Variants in CNTLN observed in about 807,000 individuals in gnomAD.
The protein encoded by CNTLN is centlein, also known as centlein, centrosomal protein.
In CNTLN, 212 loss-of-function variants were observed where a neutral mutation model predicts 180.0. The observed-to-expected ratio is 1.18, with a 90% CI of 1.05 to 1.32. The LOEUF (loss-of-function observed/expected upper bound fraction) is 1.32. CNTLN is among the 40% of genes most tolerant of loss of function. The pLI, the probability that CNTLN is intolerant of heterozygous loss-of-function variation, is 0.00. For synonymous variants in CNTLN, 722 were observed against 563.1 expected (o/e 1.28, Z -3.99); for missense variants, 2,095 against 1,610.9 (o/e 1.30, Z -5.14).
chr9:17,480,906 A>G (rs978165756), intron 23 of CNTLN, among the ~76,000 whole-genome samples: 1 of 152,220 alleles, frequency 6.6e-6, no homozygotes, highest in Non-Finnish European at 1.5e-5. Context: ...GTAATCAAGG[A>G]GAAGTACATA....
intron 12 of CNTLN, among the ~76,000 whole-genome samples, chr9:17,365,995 A>T (rs1564032964): frequency 2.0e-5 from 3 of 152,212 alleles, no homozygotes; most frequent in Admixed American, 2.0e-4. Context: ...TTTTAAAATT[A>T]TATAGTCTGT....
At chr9:17,482,884 A>G (rs1832720342) in intron 23 of CNTLN, among the ~76,000 whole-genome samples, 2 of 152,152 alleles carry the variant, frequency 1.3e-5, no homozygotes, top group Admixed American at 1.3e-4. Flanking sequence ...AAATGATTAC[A>G]AATGGATAAA....
chr9:17,434,498 T>C (rs546770159), intron 18 of CNTLN, among the ~76,000 whole-genome samples: 60 of 152,204 alleles, frequency 3.9e-4, no homozygotes, highest in African/African-American at 1.4e-3. Flanking sequence ...TTTAAAAATA[T>C]ATTGTTTAAT....
Position 17,170,017 on chromosome 9 carries a change from C to T in CNTLN, c.449+26641C>T, listed in dbSNP as rs140086066. 5.3e-3 allele frequency among the ~76,000 whole-genome samples: 799 copies of T among 152,168 alleles called. 5 individuals are homozygous for T. The highest frequency in any genetic ancestry group is 0.018 in the African/African-American group (768 of 41,532). On this transcript the variant is annotated intron_variant, in intron 2 of 25. Transcript: ENST00000380647. ...GTATATTTTAGCAATAACCATCCTTCGAATCCATGAGCTATTTTTCCAGTT... is the reference window on the plus strand; with the variant it reads ...GTATATTTTAGCAATAACCATCCTTTGAATCCATGAGCTATTTTTCCAGTT...
rs368343325 is a variant in CNTLN at position 17,486,975 on chromosome 9, T to C, written c.4042-14T>C. The C allele has an allele frequency of 9.4e-6, 14 of 1,493,642 alleles. No homozygotes were observed. The highest frequency in any genetic ancestry group is 1.4e-5 in the African/African-American group (1 of 70,186). The allele number at this position is 1,493,642 out of a possible 1,614,324, so 92.5% of individuals were successfully genotyped here. ...AATTTCGTTAACACCAGTGTTTTTA[T>C]TTTTTTTCTTCAGGAAATTGAAAAA... On this transcript the variant is annotated splice_polypyrimidine_tract_variant and intron_variant, in intron 24 of 25. Coordinates refer to ENST00000380647, the MANE Select transcript of CNTLN (RefSeq NM_017738.4).
At chr9:17,228,005 A>G (rs1824580935) in intron 3 of CNTLN, among the ~76,000 whole-genome samples, 1 of 152,056 alleles carries the variant, frequency 6.6e-6, no homozygotes, top group Admixed American at 6.6e-5. Flanking sequence ...TTGTATTTAC[A>G]TTTTACTGGA....
In CNTLN at chr9:17,143,498, G is replaced by A. The variant is rs1818246453; in HGVS notation, c.449+122G>A. On this transcript the variant is annotated intron_variant, in intron 2 of 25. Coordinates refer to ENST00000380647, the MANE Select transcript of CNTLN (RefSeq NM_017738.4). ...ATTCATTTAATTTCTGAATAAATGT[G>A]GAGCTAAAAATTAAATTGTTGGATT... 4 of 725,406 alleles carry A rather than the reference G, an allele frequency of 5.5e-6. No individual in the cohort carries two copies. The East Asian group carries it at 1.1e-4, about 20-fold the overall frequency. 44.9% of individuals were successfully genotyped at this position (725,406 alleles called of 1,614,324 possible).
At chr9:17,356,780 A>C (rs184208577) in intron 12 of CNTLN, among the ~76,000 whole-genome samples, 2 of 152,296 alleles carry the variant, frequency 1.3e-5, no homozygotes, top group Admixed American at 1.3e-4. Context: ...ATCAATAAGC[A>C]TACAGATATG....
At chr9:17,289,996 T>A (rs1829258072) in intron 6 of CNTLN, among the ~76,000 whole-genome samples, 1 of 152,120 alleles carries the variant, frequency 6.6e-6, no homozygotes, top group Non-Finnish European at 1.5e-5. Flanking sequence ...TCTGAAGCCT[T>A]CTTCTCTCAG....
intron 18 of CNTLN, among the ~76,000 whole-genome samples, chr9:17,450,920 C>G (rs1040126997): frequency 1.3e-5 from 2 of 151,822 alleles, no homozygotes; most frequent in Non-Finnish European, 2.9e-5. Context: ...ATTTAAAAGT[C>G]TTACTTTTAA....
At chr9:17,178,718 C>G (rs1189665180) in intron 2 of CNTLN, among the ~76,000 whole-genome samples, 1 of 152,062 alleles carries the variant, frequency 6.6e-6, no homozygotes, top group Non-Finnish European at 1.5e-5. Context: ...GGAATTCACG[C>G]TGGCCCACAA....
chr9:17,511,668 A>G, the CNTLN span, among the ~76,000 whole-genome samples: 10 of 151,212 alleles, frequency 6.6e-5, no homozygotes, highest in Non-Finnish European at 1.5e-4. Context: ...ACACACACAC[A>G]CACGCACACG....
chr9:17,404,025 C>T (rs1031848507), intron 15 of CNTLN, among the ~76,000 whole-genome samples: 9 of 151,728 alleles, frequency 5.9e-5, no homozygotes, highest in Admixed American at 5.9e-4. Flanking sequence ...ATTCACCTGC[C>T]TCAGCCTCCC....
At chr9:17,342,551 G>T in intron 12 of CNTLN, 107 bp downstream of exon 12, 2 of 1,029,550 alleles carry the variant, frequency 1.9e-6, no homozygotes, top group South Asian at 1.9e-5. Flanking sequence ...GAAATAATCT[G>T]ATTTTTGCCA....
intron 19 of CNTLN, among the ~76,000 whole-genome samples, chr9:17,462,026 A>G (rs1220279444): frequency 6.6e-6 from 1 of 151,882 alleles, no homozygotes; most frequent in Non-Finnish European, 1.5e-5. Flanking sequence ...AATAAGTAGC[A>G]TTATTAATAA....
At chr9:17,137,269 C>A (rs928543262) in intron 1 of CNTLN, among the ~76,000 whole-genome samples, 5 of 152,118 alleles carry the variant, frequency 3.3e-5, no homozygotes, top group African/African-American at 4.8e-5. Flanking sequence ...TAGGCAGTAT[C>A]CCGCACCATA....
intron 5 of CNTLN, among the ~76,000 whole-genome samples, chr9:17,247,965 G>A (rs1825904775): frequency 6.6e-6 from 1 of 151,716 alleles, no homozygotes; most frequent in Non-Finnish European, 1.5e-5. Context: ...GAAGCAGGTG[G>A]TACTACAGGC....
intron 2 of CNTLN, among the ~76,000 whole-genome samples, chr9:17,150,579 A>G (rs771997027): frequency 3.9e-5 from 6 of 152,224 alleles, no homozygotes; most frequent in African/African-American, 9.7e-5. Flanking sequence ...GAAGTCAGGT[A>G]GCATGATGCC....
intron 14 of CNTLN, among the ~76,000 whole-genome samples, chr9:17,394,116 C>T (rs530395381): frequency 6.6e-6 from 1 of 152,000 alleles, no homozygotes; most frequent in Non-Finnish European, 1.5e-5. Context: ...TTTATATTGT[C>T]ATTCCTTTTT....
Sources: allele counts gnomAD v4.1 joint callset (sites outside exome capture counted in the v4.1 genomes callset), GRCh38; gene constraint gnomAD v4.1.1; transcripts MANE v1.5; gene names NCBI Gene and HGNC (gene_info 2026-07-23, HGNC 2026-07-21).